Variants in SARDH observed in about 807,000 individuals in gnomAD.
SARDH encodes the protein sarcosine dehydrogenase.
A neutral mutation model predicts 109.1 loss-of-function variants in SARDH; 95 were observed. The ratio of observed to expected loss-of-function variants is 0.87; its 90% CI spans 0.74 to 1.03. The LOEUF is 1.03. Among genes scored for constraint, SARDH ranks in the 50% least tolerant of loss-of-function variants. SARDH has a pLI of 0.00. For synonymous variants in SARDH, 572 were observed against 534.8 expected (o/e 1.07, Z -0.96); for missense variants, 1,267 against 1,287.8 (o/e 0.98, Z 0.25).
intron 14 of SARDH, among the ~76,000 whole-genome samples, chr9:133,695,566 A>G (rs1831255059): frequency 6.6e-6 from 1 of 152,208 alleles, no homozygotes; most frequent in Non-Finnish European, 1.5e-5. Flanking sequence ...CAGCTGGAAG[A>G]GCAAGGAAGG....
intron 7 of SARDH, among the ~76,000 whole-genome samples, chr9:133,717,826 T>C (rs1411780577): frequency 1.3e-5 from 2 of 152,214 alleles, no homozygotes; most frequent in African/African-American, 2.4e-5. Context: ...CCTGCAGCTC[T>C]TTGGGAAGAG....
In SARDH at chr9:133,712,839, C is replaced by T. The variant is rs1019463206; in HGVS notation, c.1238-130G>A. On this transcript the variant is annotated intron_variant, in intron 9 of 20. Coordinates refer to ENST00000439388, the MANE Select transcript of SARDH (RefSeq NM_001134707.2). This position sits in a 1 kb window ranked among gnomAD's most constrained non-coding sequence, Gnocchi z 4.1. ...CTGCTCTCACACCTGGGGTGCTGCA[C>T]GCCTCCTGATTGGACTGCTGCTGGA... The T allele has an allele frequency of 1.7e-5, 17 of 976,468 alleles. No homozygotes were observed. Among genetic ancestry groups the T allele is most frequent in the Admixed American group, 1.0e-4 (5 of 47,678 alleles). The allele number at this position is 976,468 out of a possible 1,614,324, so 60.5% of individuals were successfully genotyped here. A position where few individuals can be genotyped will look rare whatever the true frequency, so the allele number is the denominator to read the frequency against.
chr9:133,673,553 C>T, intron 17 of SARDH, among the ~76,000 whole-genome samples: 1 of 152,244 alleles, frequency 6.6e-6, no homozygotes, highest in Non-Finnish European at 1.5e-5. Flanking sequence ...CACATGGCCG[C>T]CGAGGGGCTG....
At position 133,731,340 on chromosome 9, in the gene SARDH, T is replaced by G. The variant is rs1832673495; in HGVS notation, c.655A>C (p.Thr219Pro). ...GTMDPAGTCT[T>P]LARAASARGA... ...CGGGCAGAAGCTGCCCTGGCGAGGG[T>G]GGTACAGGTGCCAGCGGGGTCCATG... Residue 219 changes from threonine (T) to proline (P), a missense_variant, in exon 4 of 21, where the codon ACC (threonine) becomes CCC (proline). Thr to Pro is a conservative substitution (Grantham distance 38). Transcript: ENST00000439388. The G allele has an allele frequency of 1.2e-6, 2 of 1,613,918 alleles. No individual in the cohort carries two copies. The highest frequency in any genetic ancestry group is 2.7e-5 in the African/African-American group (2 of 74,894).
At chr9:133,660,610 C>CTGAGT (rs1832400608), downstream of SARDH, among the ~76,000 whole-genome samples, 1 of 152,196 alleles carries the variant, frequency 6.6e-6, no homozygotes, top group African/African-American at 2.4e-5. Context: ...CTGTGTGACC[C>CTGAGT]TGAGTTAGTT....
intron 17 of SARDH, among the ~76,000 whole-genome samples, chr9:133,683,665 G>C (rs1271332940): frequency 6.6e-6 from 1 of 152,206 alleles, no homozygotes; most frequent in Non-Finnish European, 1.5e-5. Flanking sequence ...GGGGAGGTGA[G>C]AGCAGAGCCG....
chr9:133,735,617 T>C (rs1197860052), intron 1 of SARDH, among the ~76,000 whole-genome samples: 1 of 152,200 alleles, frequency 6.6e-6, no homozygotes, highest in Non-Finnish European at 1.5e-5. Context: ...TTAACTGAGC[T>C]CGTTCAAGCA....
intron 17 of SARDH, among the ~76,000 whole-genome samples, chr9:133,682,477 G>T (rs185280390): frequency 6.6e-6 from 1 of 152,182 alleles, no homozygotes; most frequent in Non-Finnish European, 1.5e-5. Flanking sequence ...TGTCCCCAAC[G>T]GTCCTCTGAG....
Position 133,692,431 on chromosome 9 carries a change from T to C in SARDH, c.1921+1827A>G, listed in dbSNP as rs1831131687. 6.6e-6 allele frequency among the ~76,000 whole-genome samples: 1 copy of C among 152,150 alleles called. No individual in the cohort carries two copies. The highest frequency in any genetic ancestry group is 2.4e-5 in the African/African-American group (1 of 41,428). On this transcript the variant is annotated intron_variant, in intron 15 of 20. Transcript: ENST00000439388. This position sits in a 1 kb window ranked among gnomAD's most constrained non-coding sequence, Gnocchi z 5.0. Reference sequence around the variant, plus strand: ...GCTCAGAGATGCCATTTCAGCTGAATGACCCAGAGACGACCAGCGATGGGC... The same window carrying C: ...GCTCAGAGATGCCATTTCAGCTGAACGACCCAGAGACGACCAGCGATGGGC...
Position 133,718,794 on chromosome 9 carries a change from G to A in SARDH, c.1020+144C>T. On this transcript the variant is annotated intron_variant, in intron 7 of 20. Coordinates refer to ENST00000439388, the MANE Select transcript of SARDH (RefSeq NM_001134707.2). The surrounding 1 kb of genome is among the most constrained non-coding windows in gnomAD (Gnocchi z 4.2). ...GTCAGGGTAAGAGCAAGATGGCTTT[G>A]AGCTTGGTGGGGTCAGGGGACCGGC... The A allele has an allele frequency of 1.3e-6, 1 of 798,810 alleles. No homozygotes were observed. Among genetic ancestry groups the A allele is most frequent in the South Asian group, 1.3e-5 (1 of 74,866 alleles). The allele number at this position is 798,810 out of a possible 1,614,324, so 49.5% of individuals were successfully genotyped here. A position where few individuals can be genotyped will look rare whatever the true frequency, so the allele number is the denominator to read the frequency against.
chr9:133,663,504 G>C (rs529055551), downstream of SARDH: 12 of 259,472 alleles, frequency 4.6e-5, no homozygotes, highest in African/African-American at 2.6e-4. Flanking sequence ...CCCCAGGGAA[G>C]CCCGCCACCG....
intron 16 of SARDH, among the ~76,000 whole-genome samples, chr9:133,685,777 G>A (rs1830863756): frequency 6.6e-6 from 1 of 152,190 alleles, no homozygotes; most frequent in Non-Finnish European, 1.5e-5. Flanking sequence ...GTGCTGTACA[G>A]AAGAGTAGAG....
intron 13 of SARDH, among the ~76,000 whole-genome samples, chr9:133,700,635 C>T (rs1277501626): frequency 6.6e-6 from 1 of 152,128 alleles, no homozygotes; most frequent in Non-Finnish European, 1.5e-5. Context: ...CGTGAACTCA[C>T]TAAAAAACAC....
Position 133,696,276 on chromosome 9 carries a change from T to C in SARDH, c.1754A>G (p.Asp585Gly). 1 of 1,614,150 alleles carries C rather than the reference T, an allele frequency of 6.2e-7. No individual in the cohort carries two copies. The highest frequency in any genetic ancestry group is 8.5e-7 in the Non-Finnish European group (1 of 1,180,026). The part of the protein sequence containing the change: ...YFGKFYLVGL[D>G]ARKAADWLFS... ...GAGCCAGTCGGCAGCCTTCCTTGCA[T>C]CCAGCCCCACCAGGTAGAACTTCCC... The change falls in exon 14 of 21, where the codon GAT becomes GGT. Residue 585 changes from aspartate to glycine, a missense_variant. Coordinates refer to ENST00000439388, the MANE Select transcript of SARDH (RefSeq NM_001134707.2).
At position 133,666,656 on chromosome 9, in the gene SARDH, A is replaced by G. The variant is rs560728871; in HGVS notation, c.2631+79T>C. The G allele has an allele frequency of 7.8e-6, 12 of 1,529,044 alleles. No individual in the cohort carries two copies. Among genetic ancestry groups the G allele is most frequent in the South Asian group, 2.4e-5 (2 of 82,662 alleles). 94.7% of individuals were successfully genotyped at this position (1,529,044 alleles called of 1,614,324 possible). On this transcript the variant is annotated intron_variant, in intron 20 of 20. Coordinates refer to ENST00000439388, the MANE Select transcript of SARDH (RefSeq NM_001134707.2). The surrounding 1 kb of genome is among the most constrained non-coding windows in gnomAD (Gnocchi z 5.2). The stretch of plus-strand genomic sequence containing the variant: ...CCTCCTCCCTATGCCCGGCACACTC[A>G]GGGTGCAGTGCAGGGAGCTGGTTTG...
chr9:133,729,530 T>A (rs1156742518), intron 6 of SARDH, among the ~76,000 whole-genome samples: 1 of 152,120 alleles, frequency 6.6e-6, no homozygotes, highest in Non-Finnish European at 1.5e-5. Flanking sequence ...AGAGGCCAGG[T>A]CCTGAGGAAC....
chr9:133,682,886 CCT>C (rs1299479794), intron 17 of SARDH, among the ~76,000 whole-genome samples: 1 of 147,468 alleles, frequency 6.8e-6, no homozygotes, highest in Non-Finnish European at 1.5e-5. Flanking sequence ...GCACTCAGCC[CCT>C]GTGCTGAAAC....
intron 17 of SARDH, among the ~76,000 whole-genome samples, chr9:133,677,745 C>T (rs1217895620): frequency 3.3e-5 from 5 of 152,346 alleles, no homozygotes; most frequent in African/African-American, 4.8e-5. Flanking sequence ...GCCTGTTGCC[C>T]GTCTTCCCAG....
At chr9:133,660,900 AAATT>A (rs1199506758), downstream of SARDH, among the ~76,000 whole-genome samples, 7 of 152,170 alleles carry the variant, frequency 4.6e-5, no homozygotes, top group Non-Finnish European at 7.3e-5. Flanking sequence ...GATTAATTTT[AAATT>A]AATTAAAATG....
Sources: allele counts gnomAD v4.1 joint callset (sites outside exome capture counted in the v4.1 genomes callset), GRCh38; gene constraint gnomAD v4.1.1; non-coding constraint Gnocchi (gnomAD v3.1); transcripts MANE v1.5; gene names NCBI Gene and HGNC (gene_info 2026-07-23, HGNC 2026-07-21).